The following PITPNM2 variants were observed in gnomAD, a reference collection of about 807,000 sequenced individuals.
PITPNM2 encodes the protein phosphatidylinositol transfer protein membrane associated 2, also known as membrane-associated phosphatidylinositol transfer protein 2.
A neutral mutation model predicts 132.2 loss-of-function variants in PITPNM2; 35 were observed. The ratio of observed to expected loss-of-function variants is 0.26; its 90% confidence interval spans 0.20 to 0.35. The LOEUF is 0.35. Among genes scored for constraint, PITPNM2 ranks in the 10% least tolerant of loss-of-function variants. The pLI, the probability that PITPNM2 is intolerant of heterozygous loss-of-function variation, is 1.00. For missense variants in PITPNM2, 1,332 were observed against 1,912.0 expected (o/e 0.70, Z 5.66); for synonymous variants, 738 against 799.2 (o/e 0.92, Z 1.29).
rs2040133073 is a variant in PITPNM2, at chr12:123,032,617, C to T, written c.78+1896G>A. ...TCAGTCCTCCCGATCTTGACAGCCA[C>T]CGGGAGGCCAGGTGGAGCTGAGGGG... On this transcript the variant is annotated intron_variant, in intron 3 of 25. Coordinates refer to ENST00000320201, the MANE Select transcript of PITPNM2 (RefSeq NM_020845.3). Among the ~76,000 whole-genome samples, 3 of 152,120 alleles carry T rather than the reference C, an allele frequency of 2.0e-5. No individual in the cohort carries two copies. The South Asian group carries it at 6.2e-4, about 32-fold the overall frequency.
rs1593014132 is a variant in PITPNM2 at position 123,099,847 on chromosome 12, C to T, written c.-96+10538G>A. On this transcript the variant is annotated intron_variant, in intron 2 of 25. Transcript: ENST00000320201. This position sits in a 1 kb window ranked among gnomAD's most constrained non-coding sequence, Gnocchi z 4.2. ...TGCCAGGCACTGACAGCCTGGGAGG[C>T]CTATTCCCAGGGGCAATCAGAAGAC... is the stretch of plus-strand genomic sequence containing the variant. 6.6e-6 allele frequency among the ~76,000 whole-genome samples: 1 copy of T among 152,030 alleles called. No homozygotes were observed. The highest frequency in any genetic ancestry group is 1.9e-4 in the East Asian group (1 of 5,182).
intron 3 of PITPNM2, 148 bp downstream of exon 3, chr12:123,034,364 CA>C: frequency 1.4e-6 from 1 of 703,234 alleles, no homozygotes; most frequent in Non-Finnish European, 2.4e-6. Flanking sequence ...GCCTAGAGGC[CA>C]GGGGTCCAGC....
In PITPNM2 at chr12:123,005,381, C is replaced by A; in HGVS notation, c.811G>T (p.Val271Phe). Residue 271 changes from valine to phenylalanine, a missense_variant, in exon 7 of 26, where the codon GTC (valine) becomes TTC (phenylalanine). Around this residue, in one of 6 missense-constraint regions of PITPNM2, gnomAD observed 710 missense variants for 911.5 expected, o/e 0.78. Transcript: ENST00000320201. This position sits in a 1 kb window ranked among gnomAD's most constrained non-coding sequence, Gnocchi z 6.2. ...NEDGEEATEL[V>F]KHEAVSDQTS... ...TGGTCCGAGACGGCTTCGTGCTTGA[C>A]GAGCTCAGTGGCCTCCTCACCATCC... 2 of 1,614,196 alleles carry A rather than the reference C, an allele frequency of 1.2e-6. No individual in the cohort carries two copies. The highest frequency in any genetic ancestry group is 1.3e-5 in the African/African-American group (1 of 75,058).
intron 2 of PITPNM2, among the ~76,000 whole-genome samples, chr12:123,049,765 CA>C (rs895325589): frequency 3.7e-4 from 57 of 152,326 alleles, no homozygotes; most frequent in African/African-American, 1.3e-3. Context: ...GCCATAATCC[CA>C]GTAGATAATC....
At chr12:123,042,290 T>C (rs2040510146) in intron 2 of PITPNM2, among the ~76,000 whole-genome samples, 1 of 152,006 alleles carries the variant, frequency 6.6e-6, no homozygotes, top group Admixed American at 6.6e-5. Flanking sequence ...TGGAGGCATG[T>C]GATGAAGACT....
At chr12:123,068,298 T>A (rs967692378) in intron 2 of PITPNM2, among the ~76,000 whole-genome samples, 10 of 151,992 alleles carry the variant, frequency 6.6e-5, no homozygotes, top group East Asian at 1.9e-4. Context: ...AAACCCCGTC[T>A]CTACTAAAAA....
In PITPNM2 at chr12:123,064,843, C is replaced by A. The variant is rs1374969380; in HGVS notation, c.-95-30158G>T. Among the ~76,000 whole-genome samples, 1 of 152,228 alleles carries A rather than the reference C, an allele frequency of 6.6e-6. No individual in the cohort carries two copies. Among genetic ancestry groups the A allele is most frequent in the Non-Finnish European group, 1.5e-5 (1 of 68,044 alleles). ...TCTGGGGCCAGACCACGTTCACATT[C>A]AAGCCTTGTCTTTGAGCAAGTCCTT... On this transcript the variant is annotated intron_variant, in intron 2 of 25. Transcript: ENST00000320201. The surrounding 1 kb of genome is among the most constrained non-coding windows in gnomAD (Gnocchi z 4.0).
At chr12:123,091,825 G>T in intron 2 of PITPNM2, 1 of 152,212 alleles carries the variant, frequency 6.6e-6, no homozygotes, top group Non-Finnish European at 1.5e-5. Context: ...ATATAGAGAA[G>T]ACCTTGGCCT....
At position 123,058,740 on chromosome 12, in the gene PITPNM2, A is replaced by G. The variant is rs566437505; in HGVS notation, c.-95-24055T>C. ...TGTAGAAGCTGGTAACTGTTGCCTG[A>G]GGCATTTGCTCAAGTGCTCAACCCC... On this transcript the variant is annotated intron_variant, in intron 2 of 25. Coordinates refer to ENST00000320201, the MANE Select transcript of PITPNM2 (RefSeq NM_020845.3). This position sits in a 1 kb window ranked among gnomAD's most constrained non-coding sequence, Gnocchi z 4.0. Among the ~76,000 whole-genome samples, 162 of 152,288 alleles carry G rather than the reference A, an allele frequency of 1.1e-3. No individual in the cohort carries two copies. The highest frequency in any genetic ancestry group is 3.7e-3 in the African/African-American group (152 of 41,550).
rs2042393632 is a variant in PITPNM2 at position 123,095,748 on chromosome 12, G to T, written c.-96+14637C>A. ...GGGCTCCTCCTGCCTCGGGGCCATT[G>T]TGAAGGCGGTTCCCTCTACCAGGAA... is the stretch of plus-strand genomic sequence containing the variant. On this transcript the variant is annotated intron_variant, in intron 2 of 25. Coordinates refer to ENST00000320201, the MANE Select transcript of PITPNM2 (RefSeq NM_020845.3). This position sits in a 1 kb window ranked among gnomAD's most constrained non-coding sequence, Gnocchi z 5.0. Among the ~76,000 whole-genome samples the T allele has an allele frequency of 6.6e-6, 1 of 152,196 alleles. No homozygotes were observed. Among genetic ancestry groups the T allele is most frequent in the South Asian group, 2.1e-4 (1 of 4,834 alleles).
At chr12:123,091,076 G>A (rs1181732186) in intron 2 of PITPNM2, 1 of 152,192 alleles carries the variant, frequency 6.6e-6, no homozygotes, top group African/African-American at 2.4e-5. Context: ...CCACTCACAC[G>A]GTTACCACCT....
At position 123,009,822 on chromosome 12, in the gene PITPNM2, A is replaced by C; in HGVS notation, c.643+28T>G. ...GACAGAGGGGTTGGGTAGCCCAGCC[A>C]CTGCCCACCTGGCATGGGTGTGCTC... On this transcript the variant is annotated intron_variant, in intron 6 of 25. Coordinates refer to ENST00000320201, the MANE Select transcript of PITPNM2 (RefSeq NM_020845.3). The surrounding 1 kb of genome is among the most constrained non-coding windows in gnomAD (Gnocchi z 4.8). 2.5e-6 allele frequency: 4 copies of C among 1,603,994 alleles called. No individual in the cohort carries two copies. Among genetic ancestry groups the C allele is most frequent in the Non-Finnish European group, 2.6e-6 (3 of 1,170,964 alleles).
In PITPNM2 at chr12:123,083,175, G is replaced by A. The variant is rs1457892335; in HGVS notation, c.-96+27210C>T. On this transcript the variant is annotated intron_variant, in intron 2 of 25. Coordinates refer to ENST00000320201, the MANE Select transcript of PITPNM2 (RefSeq NM_020845.3). This position sits in a 1 kb window ranked among gnomAD's most constrained non-coding sequence, Gnocchi z 4.5. ...GAGCCCAGCCCCCTTGGGCAACATAGTGAGACCCCATCTCTAAAAAAAAAC... is the reference window on the plus strand; with the variant it reads ...GAGCCCAGCCCCCTTGGGCAACATAATGAGACCCCATCTCTAAAAAAAAAC... 6.6e-6 allele frequency: 1 copy of A among 152,118 alleles called. No individual in the cohort carries two copies. The highest frequency in any genetic ancestry group is 2.4e-5 in the African/African-American group (1 of 41,410). 9.4% of individuals were successfully genotyped at this position (152,118 alleles called of 1,614,324 possible).
intron 1 of PITPNM2, among the ~76,000 whole-genome samples, chr12:123,133,391 C>T (rs575621540): frequency 1.3e-5 from 2 of 152,326 alleles, no homozygotes; most frequent in East Asian, 1.9e-4. Flanking sequence ...CTAGTTCCAG[C>T]TCTGGTGTCT....
At chr12:123,047,963 G>A (rs2040716010) in intron 2 of PITPNM2, among the ~76,000 whole-genome samples, 1 of 152,124 alleles carries the variant, frequency 6.6e-6, no homozygotes, top group Non-Finnish European at 1.5e-5. Flanking sequence ...GCCAGGCATT[G>A]TGGTGCACAC....
chr12:122,995,032 G>C (rs1399100818), intron 14 of PITPNM2, 53 bp from the exon 15 acceptor site: 7 of 1,501,176 alleles, frequency 4.7e-6, no homozygotes, highest in Non-Finnish European at 6.2e-6. Flanking sequence ...GCCATCATCT[G>C]CCACGACACT....
At chr12:123,122,471 GAAGA>G (rs1053283428) in intron 1 of PITPNM2, among the ~76,000 whole-genome samples, 9 of 152,048 alleles carry the variant, frequency 5.9e-5, no homozygotes, top group African/African-American at 1.4e-4. Flanking sequence ...CCAAAAAAAA[GAAGA>G]AAGAAAGAAA....
intron 3 of PITPNM2, among the ~76,000 whole-genome samples, chr12:123,025,939 C>T (rs2039849375): frequency 6.6e-6 from 1 of 152,210 alleles, no homozygotes; most frequent in African/African-American, 2.4e-5. Context: ...ATGAGAGGCA[C>T]AAACTTGTCC....
At chr12:123,104,746 C>T (rs12372667) in intron 2 of PITPNM2, among the ~76,000 whole-genome samples, 3,531 of 152,234 alleles carry the variant, frequency 0.023, 53 homozygotes, top group South Asian at 0.045. Flanking sequence ...TGATTAAAAG[C>T]TTTATTGCTC....
Sources: allele counts gnomAD v4.1 joint callset (sites outside exome capture counted in the v4.1 genomes callset), GRCh38; gene constraint gnomAD v4.1.1; regional missense constraint gnomAD v4.1.1; non-coding constraint Gnocchi (gnomAD v3.1); transcripts MANE v1.5; gene names NCBI Gene and HGNC (gene_info 2026-07-23, HGNC 2026-07-21).